The following PTPRD variants were observed in gnomAD, a reference collection of about 807,000 sequenced individuals.
The protein encoded by PTPRD is receptor-type tyrosine-protein phosphatase delta.
In PTPRD, 34 loss-of-function variants were observed where a neutral mutation model predicts 214.5. The observed-to-expected ratio is 0.16, with a 90% CI of 0.12 to 0.21. The LOEUF (loss-of-function observed/expected upper bound fraction) is 0.21. Ranked by LOEUF, PTPRD falls within the 10% of genes least tolerant of loss-of-function variation. The pLI is 1.00. For missense variants in PTPRD, 2,545 were observed against 2,398.7 expected (o/e 1.06, Z -1.27); for synonymous variants, 1,128 against 845.7 (o/e 1.33, Z -5.79).
intron 11 of PTPRD, among the ~76,000 whole-genome samples, chr9:8,944,503 C>T (rs781772234): frequency 2.7e-4 from 41 of 152,196 alleles, no homozygotes; most frequent in Middle Eastern, 3.4e-3. Flanking sequence ...AAGCAACCTA[C>T]GTGTCCATCG....
At chr9:10,142,435 A>T (rs1426363378) in intron 3 of PTPRD, among the ~76,000 whole-genome samples, 1 of 152,046 alleles carries the variant, frequency 6.6e-6, no homozygotes, top group Non-Finnish European at 1.5e-5. Context: ...CGAGAAAAAA[A>T]CAAACAACTC....
At chr9:8,647,354 T>C (rs994807355) in intron 12 of PTPRD, among the ~76,000 whole-genome samples, 4 of 152,234 alleles carry the variant, frequency 2.6e-5, no homozygotes, top group African/African-American at 9.6e-5. Context: ...ATCACCTTGA[T>C]GAATAACTTT....
intron 7 of PTPRD, among the ~76,000 whole-genome samples, chr9:9,588,157 A>T (rs16929848): frequency 6.6e-6 from 1 of 151,848 alleles, no homozygotes; most frequent in African/African-American, 2.4e-5. Context: ...AAATAGACCC[A>T]GTGAAGCTAT....
intron 12 of PTPRD, among the ~76,000 whole-genome samples, chr9:8,674,459 A>T (rs2097359317): frequency 1.5e-4 from 2 of 13,638 alleles, no homozygotes; most frequent in Non-Finnish European, 2.6e-4. Flanking sequence ...GCTGTCTCAA[A>T]AAAAAAAAAA....
chr9:10,114,792 T>G (rs1357636109), intron 3 of PTPRD, among the ~76,000 whole-genome samples: 2 of 152,072 alleles, frequency 1.3e-5, no homozygotes, highest in African/African-American at 4.8e-5. Context: ...CAACATGTTT[T>G]TAATAATACA....
intron 7 of PTPRD, among the ~76,000 whole-genome samples, chr9:9,619,040 T>TA (rs1005414555): frequency 6.6e-6 from 1 of 151,948 alleles, no homozygotes; most frequent in African/African-American, 2.4e-5. Flanking sequence ...AGAAAAAGAA[T>TA]AAAAAAATAT....
intron 7 of PTPRD, among the ~76,000 whole-genome samples, chr9:9,593,130 G>A (rs567501656): frequency 7.2e-6 from 1 of 138,858 alleles, no homozygotes. Flanking sequence ...GGAAAGGAAA[G>A]GAAAGGAAAG....
At chr9:10,318,737 G>T (rs901755112) in intron 3 of PTPRD, among the ~76,000 whole-genome samples, 3 of 152,012 alleles carry the variant, frequency 2.0e-5, no homozygotes, top group Non-Finnish European at 4.4e-5. Context: ...TAAGTTTCCA[G>T]AGTAGTTGGG....
chr9:10,003,884 G>T (rs142311439), intron 4 of PTPRD, among the ~76,000 whole-genome samples: 1 of 151,332 alleles, frequency 6.6e-6, no homozygotes, highest in Non-Finnish European at 1.5e-5. Context: ...CGACATACCC[G>T]ATTTATTTGC....
chr9:10,317,486 A>C (rs2096464130), intron 3 of PTPRD, among the ~76,000 whole-genome samples: 1 of 151,976 alleles, frequency 6.6e-6, no homozygotes, highest in Non-Finnish European at 1.5e-5. Context: ...ATGCCTGGAA[A>C]CTAGAGTCAG....
chr9:9,822,747 A>G (rs1027704324), intron 5 of PTPRD, among the ~76,000 whole-genome samples: 2 of 152,024 alleles, frequency 1.3e-5, no homozygotes, highest in Non-Finnish European at 2.9e-5. Flanking sequence ...GAAAGCTAAA[A>G]TGCTCCAAAA....
chr9:8,640,279 G>A (rs541379983), intron 12 of PTPRD, among the ~76,000 whole-genome samples: 9 of 152,160 alleles, frequency 5.9e-5, no homozygotes, highest in African/African-American at 2.2e-4. Flanking sequence ...CACCCAGGAG[G>A]CAGAGGTTGC....
intron 11 of PTPRD, among the ~76,000 whole-genome samples, chr9:9,002,969 G>A (rs1184990630): frequency 6.6e-6 from 1 of 151,974 alleles, no homozygotes; most frequent in Non-Finnish European, 1.5e-5. Flanking sequence ...TTTTGTGAGT[G>A]GGACTACTGC....
At chr9:9,541,732 G>A (rs905283600) in intron 8 of PTPRD, among the ~76,000 whole-genome samples, 2 of 151,824 alleles carry the variant, frequency 1.3e-5, no homozygotes. Flanking sequence ...CAGAATAGAA[G>A]AGCTAAGAAT....
chr9:8,784,450 G>A lies in PTPRD; in HGVS notation c.-103-50504C>T, dbSNP rs560420740. Among the ~76,000 whole-genome samples, 3 of 152,128 alleles carry A rather than the reference G, an allele frequency of 2.0e-5. No homozygotes were observed. The South Asian group carries it at 6.2e-4, about 32-fold the overall frequency. On this transcript the variant is annotated intron_variant, in intron 11 of 45. Transcript: ENST00000381196. ...ATTCTCTTTATTCAATAACTTGGTC[G>A]GCTTATCAAACTATTCCCAAGGATC... is the stretch of plus-strand genomic sequence containing the variant.
intron 2 of PTPRD, among the ~76,000 whole-genome samples, chr9:10,584,832 C>T (rs1567067446): frequency 6.6e-6 from 1 of 152,094 alleles, no homozygotes; most frequent in Non-Finnish European, 1.5e-5. Context: ...TCCAGTTGTT[C>T]AATGCAAGGA....
chr9:9,496,025 G>C (rs1263171335), intron 8 of PTPRD, among the ~76,000 whole-genome samples: 8 of 152,102 alleles, frequency 5.3e-5, no homozygotes, highest in Non-Finnish European at 8.8e-5. Context: ...TCCTACACTT[G>C]CTCACTCACA....
chr9:8,529,984 C>T (rs2075270626), intron 14 of PTPRD, among the ~76,000 whole-genome samples: 1 of 152,102 alleles, frequency 6.6e-6, no homozygotes, highest in South Asian at 2.1e-4. Flanking sequence ...TTTTCATAAG[C>T]CACCAATTCT....
chr9:8,502,262 A>G (rs1392495283), intron 23 of PTPRD, among the ~76,000 whole-genome samples: 1 of 152,164 alleles, frequency 6.6e-6, no homozygotes, highest in East Asian at 1.9e-4. Context: ...GGCAAAGATA[A>G]CACAAGTCCA....
Sources: gnomAD v4.1 joint callset for allele counts (sites outside exome capture counted in the v4.1 genomes callset) on GRCh38, gnomAD v4.1.1 for gene constraint, MANE v1.5 for transcripts, NCBI Gene and HGNC (gene_info 2026-07-23, HGNC 2026-07-21) for gene names.